BTN3A1: variants seen among roughly 807,000 people sequenced by gnomAD.
BTN3A1 encodes the protein butyrophilin subfamily 3 member A1.
BTN3A1 carries 24 observed loss-of-function variants against 43.0 expected under a neutral mutation model. The observed-to-expected ratio is 0.56, with a 90% CI of 0.40 to 0.78. The LOEUF (loss-of-function observed/expected upper bound fraction) is 0.78. BTN3A1 is among the 30% of genes least tolerant of loss of function. The probability of loss-of-function intolerance (pLI) is 0.00; values close to 1 mark genes in which losing one functional copy is unlikely to be tolerated. For missense variants in BTN3A1, 533 were observed against 626.2 expected (o/e 0.85, Z 1.59); for synonymous variants, 181 against 234.7 (o/e 0.77, Z 2.09).
chr6:26,411,926 C>G (rs1275557347), intron 9 of BTN3A1: 2 of 265,236 alleles, frequency 7.5e-6, no homozygotes, highest in Non-Finnish European at 1.4e-5. Context: ...GATGCCTGCC[C>G]AAAGAACTTA....
chr6:26,412,994 C>G, intron 9 of BTN3A1, 175 bp from the exon 10 acceptor site: 8 of 1,461,236 alleles, frequency 5.5e-6, no homozygotes, highest in Admixed American at 2.8e-5. Flanking sequence ...CACAAGATAC[C>G]TGATACCTGG....
In BTN3A1 at chr6:26,408,583, C is replaced by G. The variant is rs558641652; in HGVS notation, c.715+631C>G. On this transcript the variant is annotated intron_variant, in intron 4 of 9. Transcript: ENST00000289361. ...TCTGTTGGGGGCTATATAACAATAT[C>G]TATCCAAACTACATCTTTAGTGATC... Among the ~76,000 whole-genome samples the G allele has an allele frequency of 3.3e-5, 5 of 152,360 alleles. No homozygotes were observed. In the East Asian group the frequency reaches 9.6e-4, roughly 29 times the overall value.
chr6:26,402,344 A>G lies in BTN3A1; in HGVS notation c.-261A>G, dbSNP rs1046539994. ...TTCCAGAAGGAGATTTAACCATAGT[A>G]GAAAGAATGGAGAACTATTAACTGC... On this transcript the variant is annotated 5_prime_UTR_variant, in exon 1 of 10. Coordinates refer to ENST00000289361, the MANE Select transcript of BTN3A1 (RefSeq NM_007048.6). 1.3e-5 allele frequency: 2 copies of G among 152,242 alleles called. No individual in the cohort carries two copies. The highest frequency in any genetic ancestry group is 2.9e-5 in the Non-Finnish European group (2 of 68,044). The allele number at this position is 152,242 out of a possible 1,614,324, so 9.4% of individuals were successfully genotyped here.
Position 26,405,552 on chromosome 6 carries a change from T to C in BTN3A1, c.-12T>C, listed in dbSNP as rs1179758047. 5.0e-6 allele frequency: 8 copies of C among 1,613,848 alleles called. No homozygotes were observed. The highest frequency in any genetic ancestry group is 6.8e-6 in the Non-Finnish European group (8 of 1,179,712). On this transcript the variant is annotated 5_prime_UTR_variant, in exon 2 of 10. Coordinates refer to ENST00000289361, the MANE Select transcript of BTN3A1 (RefSeq NM_007048.6). Reference sequence around the variant, plus strand: ...CCCCCCACCTTCCAGTATCTCCTGATATGCAGCATGAATGAAAATGGCAAG... The same window carrying C: ...CCCCCCACCTTCCAGTATCTCCTGACATGCAGCATGAATGAAAATGGCAAG...
At chr6:26,412,262 G>T in intron 9 of BTN3A1, 1 of 579,880 alleles carries the variant, frequency 1.7e-6, no homozygotes. Flanking sequence ...GCAGTTACTG[G>T]AACCCAGAAT....
chr6:26,405,476 G>A lies in BTN3A1; in HGVS notation c.-88G>A. ...CCATACTTGAGTTAGCTCTAGGGAAGTGGAGGTTTCCATTTGGAATTCTAT... is the reference window on the plus strand; with the variant it reads ...CCATACTTGAGTTAGCTCTAGGGAAATGGAGGTTTCCATTTGGAATTCTAT... On this transcript the variant is annotated 5_prime_UTR_variant, in exon 2 of 10. It adds an upstream start codon to the 5' untranslated region. Coordinates refer to ENST00000289361, the MANE Select transcript of BTN3A1 (RefSeq NM_007048.6). The A allele has an allele frequency of 1.5e-6, 2 of 1,299,462 alleles. No individual in the cohort carries two copies. The highest frequency in any genetic ancestry group is 2.2e-6 in the Non-Finnish European group (2 of 896,196). 80.5% of individuals were successfully genotyped at this position (1,299,462 alleles called of 1,614,324 possible).
At chr6:26,409,495 G>A (rs754258755) in intron 4 of BTN3A1, 38 bp from the exon 5 acceptor site, 1 of 1,602,300 alleles carries the variant, frequency 6.2e-7, no homozygotes, top group Non-Finnish European at 8.5e-7. Flanking sequence ...GAGGCTGAGT[G>A]CACCGGCCCC....
chr6:26,408,025 C>T (rs1762082851), intron 4 of BTN3A1, 73 bp downstream of exon 4: 1 of 1,583,156 alleles, frequency 6.3e-7, no homozygotes, highest in East Asian at 2.2e-5. Context: ...GTGTTAGTGT[C>T]TGCAGTCAAC....
chr6:26,410,349 T>C (rs6915468), intron 7 of BTN3A1, among the ~76,000 whole-genome samples: 148 of 150,534 alleles, frequency 9.8e-4, no homozygotes, highest in African/African-American at 3.4e-3. Context: ...GGCCACAGAC[T>C]CTATAGCCCT....
At chr6:26,407,136 G>A (rs1315667070) in intron 3 of BTN3A1, among the ~76,000 whole-genome samples, 1 of 152,192 alleles carries the variant, frequency 6.6e-6, no homozygotes, top group Non-Finnish European at 1.5e-5. Context: ...CTGGTGTTCT[G>A]TGAAATTGCT....
At chr6:26,412,508 C>T in intron 9 of BTN3A1, 1 of 1,549,582 alleles carries the variant, frequency 6.5e-7, no homozygotes, top group Non-Finnish European at 8.7e-7. Context: ...TCCTGGGGCC[C>T]AGAAGAGGGT....
At chr6:26,411,070 G>T (rs1359890197) in intron 7 of BTN3A1, 39 bp from the exon 8 acceptor site, 27 of 1,564,424 alleles carry the variant, frequency 1.7e-5, no homozygotes. Context: ...ATCAAAAATG[G>T]CAAGTTCAGG....
Position 26,410,347 on chromosome 6 carries a change from AC to A in BTN3A1, c.964+316del, listed in dbSNP as rs142270923. On this transcript the variant is annotated intron_variant, in intron 7 of 9. Coordinates refer to ENST00000289361, the MANE Select transcript of BTN3A1 (RefSeq NM_007048.6). ...AATTTATCTCTACCAGGGGCCACAG[AC>A]TCTATAGCCCTGCAAAGCACTGAGG... Among the ~76,000 whole-genome samples the A allele has an allele frequency of 5.6e-3, 855 of 152,162 alleles. 10 individuals carry two copies. Among genetic ancestry groups the A allele is most frequent in the African/African-American group, 0.018 (754 of 41,506 alleles).
chr6:26,407,958 T>C lies in BTN3A1; in HGVS notation c.715+6T>C, dbSNP rs373041261. The C allele has an allele frequency of 6.2e-7, 1 of 1,613,370 alleles. No individual in the cohort carries two copies. The highest frequency in any genetic ancestry group is 8.5e-7 in the Non-Finnish European group (1 of 1,179,352). ...AGCCAGCATTTCCATCGCAGGTCAG[T>C]ACCTGCTTGGCCTCAGGTTTTCTGA... On this transcript the variant is annotated splice_donor_region_variant and intron_variant, in intron 4 of 9. Coordinates refer to ENST00000289361, the MANE Select transcript of BTN3A1 (RefSeq NM_007048.6).
chr6:26,405,805 C>A, intron 2 of BTN3A1, 104 bp from the exon 3 acceptor site: 4 of 1,598,622 alleles, frequency 2.5e-6, no homozygotes, highest in Non-Finnish European at 2.6e-6. Context: ...TCAGTTTCCC[C>A]CACCAGTTTC....
intron 7 of BTN3A1, among the ~76,000 whole-genome samples, chr6:26,410,850 T>A (rs1029264445): frequency 6.6e-6 from 1 of 151,104 alleles, no homozygotes. Context: ...GGTATATAGA[T>A]ACATTCCAAA....
At chr6:26,411,364 T>C (rs751741830) in intron 8 of BTN3A1, among the ~76,000 whole-genome samples, 191 bp from the exon 9 acceptor site, 89 of 152,244 alleles carry the variant, frequency 5.8e-4, no homozygotes, top group Admixed American at 3.5e-3. Flanking sequence ...TACCCTTCAT[T>C]GCAGAGGGAA....
At chr6:26,411,765 G>A in intron 9 of BTN3A1, 184 bp downstream of exon 9, 1 of 685,452 alleles carries the variant, frequency 1.5e-6, no homozygotes, top group Non-Finnish European at 2.4e-6. Flanking sequence ...TTTCTGCTGA[G>A]AGCCCAGGGA....
At position 26,407,859 on chromosome 6, in the gene BTN3A1, G is replaced by A. The variant is rs776552214; in HGVS notation, c.622G>A (p.Val208Met). 9.3e-6 allele frequency: 15 copies of A among 1,614,118 alleles called. No homozygotes were observed. ...GVGLYAVAAS[V>M]IMRGSSGEGV... Reference sequence around the variant, plus strand: ...GGGCCTGTATGCAGTAGCAGCATCTGTGATCATGAGAGGCAGCTCTGGGGA... The same window carrying A: ...GGGCCTGTATGCAGTAGCAGCATCTATGATCATGAGAGGCAGCTCTGGGGA... The change falls in exon 4 of 10, where the codon GTG becomes ATG. Residue 208 changes from valine to methionine, a missense_variant. Physicochemically the swap from Val to Met is conservative, Grantham distance 21 (BLOSUM62 1). Transcript: ENST00000289361.
Sources: allele counts gnomAD v4.1 joint callset (sites outside exome capture counted in the v4.1 genomes callset), GRCh38; gene constraint gnomAD v4.1.1; transcripts MANE v1.5; gene names NCBI Gene and HGNC (gene_info 2026-07-23, HGNC 2026-07-21).